Variants in TSPAN18 observed in about 807,000 individuals in gnomAD.
TSPAN18 encodes tetraspanin-18.
TSPAN18 carries 14 observed loss-of-function variants against 27.3 expected under a neutral mutation model. The observed-to-expected ratio is 0.51, with a 90% confidence interval of 0.34 to 0.80. The LOEUF (loss-of-function observed/expected upper bound fraction) is 0.80, where lower values mean the gene tolerates loss of function less well. Ranked by LOEUF, TSPAN18 falls within the 30% of genes least tolerant of loss-of-function variation. The pLI is 0.01. For missense variants in TSPAN18, 268 were observed against 323.9 expected (o/e 0.83, Z 1.32); for synonymous variants, 143 against 136.5 (o/e 1.05, Z -0.33).
intron 4 of TSPAN18, 141 bp from the exon 5 acceptor site, chr11:44,909,564 G>A (rs1227743219): frequency 4.1e-5 from 32 of 781,124 alleles, no homozygotes; most frequent in Non-Finnish European, 5.6e-5. Flanking sequence ...ACTGGCTCTC[G>A]CCGCAGGTGA....
At chr11:44,919,756 C>G in intron 7 of TSPAN18, 61 bp from the exon 8 acceptor site, 1 of 1,543,226 alleles carries the variant, frequency 6.5e-7, no homozygotes, top group Non-Finnish European at 9.0e-7. Flanking sequence ...ATGTCCTTCT[C>G]TGTCCCCGCC....
intron 2 of TSPAN18, among the ~76,000 whole-genome samples, chr11:44,793,174 G>A (rs2135047926): frequency 6.6e-6 from 1 of 152,344 alleles, no homozygotes; most frequent in Admixed American, 6.5e-5. Flanking sequence ...AAGAAGCTGG[G>A]CTGACAGGCG....
chr11:44,909,908 C>T lies in TSPAN18; in HGVS notation c.258+9C>T. ...AGTGTCTGCTGCTATTTGTGAGTAC[C>T]CCAGCCCCCACCCCATCCATGGGTG... On this transcript the variant is annotated intron_variant, in intron 5 of 9. Transcript: ENST00000520358. 1.2e-6 allele frequency: 2 copies of T among 1,605,470 alleles called. No homozygotes were observed. The highest frequency in any genetic ancestry group is 1.1e-5 in the South Asian group (1 of 90,368).
intron 2 of TSPAN18, among the ~76,000 whole-genome samples, chr11:44,806,425 A>G (rs966553445): frequency 6.6e-6 from 1 of 152,222 alleles, no homozygotes; most frequent in African/African-American, 2.4e-5. Flanking sequence ...GCGTAGTGCT[A>G]GAGAAGCACA....
intron 2 of TSPAN18, among the ~76,000 whole-genome samples, chr11:44,769,175 G>A (rs191988950): frequency 5.4e-4 from 82 of 152,280 alleles, no homozygotes; most frequent in Middle Eastern, 3.4e-3. Context: ...GATTGCAGGC[G>A]TGAGCCACTG....
chr11:44,762,508 G>A (rs1855476584), intron 1 of TSPAN18, among the ~76,000 whole-genome samples: 2 of 152,180 alleles, frequency 1.3e-5, no homozygotes, highest in South Asian at 4.1e-4. Context: ...GGTTCTCTCT[G>A]TTAAACAGGA....
intron 1 of TSPAN18, among the ~76,000 whole-genome samples, chr11:44,734,898 G>T (rs1281681447): frequency 1.3e-5 from 2 of 152,212 alleles, no homozygotes; most frequent in South Asian, 2.1e-4. Flanking sequence ...CAGCAGGGCA[G>T]GCCCAGGGAA....
At chr11:44,927,081 G>A (rs1860387604) in intron 9 of TSPAN18, among the ~76,000 whole-genome samples, 1 of 152,224 alleles carries the variant, frequency 6.6e-6, no homozygotes, top group Non-Finnish European at 1.5e-5. Flanking sequence ...CACGCTTGCA[G>A]AGGCATCAGC....
chr11:44,879,055 G>A (rs943180626), intron 3 of TSPAN18, among the ~76,000 whole-genome samples: 1 of 152,200 alleles, frequency 6.6e-6, no homozygotes, highest in Non-Finnish European at 1.5e-5. Flanking sequence ...CAGTTGGTTC[G>A]ATGCTCTGCC....
chr11:44,770,894 G>T (rs562488330), intron 2 of TSPAN18, among the ~76,000 whole-genome samples: 3 of 152,148 alleles, frequency 2.0e-5, no homozygotes, highest in Non-Finnish European at 4.4e-5. Flanking sequence ...GCCCAAGATG[G>T]AAGAGCCTAG....
At chr11:44,754,241 T>C (rs74434483) in intron 1 of TSPAN18, among the ~76,000 whole-genome samples, 12,816 of 152,232 alleles carry the variant, frequency 0.084, 1,534 homozygotes, top group African/African-American at 0.27. Flanking sequence ...AGTATTCCGC[T>C]GCAGCCCTGT....
chr11:44,730,676 T>C (rs1178708666), intron 1 of TSPAN18, among the ~76,000 whole-genome samples: 1 of 150,154 alleles, frequency 6.7e-6, no homozygotes, highest in African/African-American at 2.5e-5. Flanking sequence ...CAGGCTGGAG[T>C]GCAGTGGTGC....
At chr11:44,861,172 G>GGGCAGGCACC (rs1857871787) in intron 3 of TSPAN18, among the ~76,000 whole-genome samples, 1 of 152,020 alleles carries the variant, frequency 6.6e-6, no homozygotes, top group African/African-American at 2.4e-5. Flanking sequence ...TGTGGCCGCA[G>GGGCAGGCACC]GGCAGGCACC....
chr11:44,881,630 A>G (rs2135260353), intron 3 of TSPAN18, among the ~76,000 whole-genome samples: 1 of 152,306 alleles, frequency 6.6e-6, no homozygotes, highest in Admixed American at 6.5e-5. Flanking sequence ...TAGCCCAGCA[A>G]TGCAAGTGCC....
intron 9 of TSPAN18, among the ~76,000 whole-genome samples, chr11:44,928,893 G>A (rs1481355026): frequency 6.6e-6 from 1 of 152,250 alleles, no homozygotes; most frequent in African/African-American, 2.4e-5. Context: ...ATGTCAGGGA[G>A]CTGGATTTGA....
chr11:44,789,410 G>A (rs187536773), intron 2 of TSPAN18, among the ~76,000 whole-genome samples: 182 of 152,264 alleles, frequency 1.2e-3, no homozygotes, highest in African/African-American at 4.0e-3. Context: ...TCTTCAATTT[G>A]TCAGTTCCTT....
At chr11:44,846,606 T>TGTGTGTGTGTGTGTGTG (rs576341145) in intron 2 of TSPAN18, among the ~76,000 whole-genome samples, 37 of 151,228 alleles carry the variant, frequency 2.4e-4, no homozygotes, top group African/African-American at 7.8e-4. Context: ...GTGTGTGTGT[T>TGTGTGTGTGTGTGTGTG]TGTGTGTGTG....
chr11:44,728,694 G>A (rs1165843266), intron 1 of TSPAN18, among the ~76,000 whole-genome samples: 2 of 152,144 alleles, frequency 1.3e-5, no homozygotes, highest in African/African-American at 4.8e-5. Context: ...TCTGCCCTGG[G>A]TCCCAGTTGT....
intron 2 of TSPAN18, among the ~76,000 whole-genome samples, chr11:44,811,526 C>T (rs909038693): frequency 3.3e-5 from 5 of 150,306 alleles, no homozygotes; most frequent in African/African-American, 1.2e-4. Flanking sequence ...ATGGCACAAT[C>T]TCGGCTCACT....
Sources: gnomAD v4.1 joint callset for allele counts (sites outside exome capture counted in the v4.1 genomes callset) on GRCh38, gnomAD v4.1.1 for gene constraint, MANE v1.5 for transcripts, NCBI Gene and HGNC (gene_info 2026-07-23, HGNC 2026-07-21) for gene names.